Variants in SASH1 observed in about 807,000 individuals in gnomAD.
SASH1 encodes SAM and SH3 domain-containing protein 1.
SASH1 carries 44 observed loss-of-function variants against 125.2 expected under a neutral mutation model. The ratio of observed to expected loss-of-function variants is 0.35; its 90% CI spans 0.28 to 0.45. The LOEUF is 0.45. Among genes scored for constraint, SASH1 ranks in the 20% least tolerant of loss-of-function variants. The probability of loss-of-function intolerance (pLI) is 1.00; values close to 1 mark genes in which losing one functional copy is unlikely to be tolerated. For synonymous variants in SASH1, 639 were observed against 649.1 expected, an observed-to-expected ratio of 0.98 and a Z score of 0.24; for missense variants, 1,426 against 1,614.5, an observed-to-expected ratio of 0.88 and a Z score of 2.00.
rs374141600 is a variant in SASH1, at chr6:148,448,115, A to AGAGTGTGTGTGTGT, written c.386+7709_386+7710insAGTGTGTGTGTGTG. On this transcript the variant is annotated intron_variant, in intron 4 of 19. Transcript: ENST00000367467. ...CTCCTGCTTCTATTGCAGTGGAGAGAGTGTGTGTGTGTGTGTGTGTGTGTA... is the reference window on the plus strand; with the variant it reads ...CTCCTGCTTCTATTGCAGTGGAGAGAGAGTGTGTGTGTGTGTGTGTGTGTGTGTGTGTGTGTGTA... Among the ~76,000 whole-genome samples, 1,297 of 146,888 alleles carry AGAGTGTGTGTGTGT rather than the reference A, an allele frequency of 8.8e-3. 9 individuals are homozygous for AGAGTGTGTGTGTGT. The highest frequency in any genetic ancestry group is 0.014 in the Middle Eastern group (4 of 290).
At chr6:148,349,073 G>T (rs1310023683) in intron 1 of SASH1, among the ~76,000 whole-genome samples, 1 of 151,966 alleles carries the variant, frequency 6.6e-6, no homozygotes, top group Non-Finnish European at 1.5e-5. Flanking sequence ...TGCGAGGTGG[G>T]CCCTTCCCCA....
At chr6:148,460,478 T>A (rs111975979) in intron 4 of SASH1, among the ~76,000 whole-genome samples, 1 of 152,210 alleles carries the variant, frequency 6.6e-6, no homozygotes, top group African/African-American at 2.4e-5. Flanking sequence ...CTGTTTAGAG[T>A]CAACGTCCAC....
At chr6:148,348,102 G>A (rs890623870) in intron 1 of SASH1, among the ~76,000 whole-genome samples, 3 of 152,134 alleles carry the variant, frequency 2.0e-5, no homozygotes, top group Non-Finnish European at 4.4e-5. Flanking sequence ...TGCCTCCCGA[G>A]TTCAAGCGAT....
chr6:148,420,070 C>T (rs4243482), intron 2 of SASH1, among the ~76,000 whole-genome samples: 133,969 of 152,170 alleles, frequency 0.88, 58,998 homozygotes, highest in African/African-American at 0.91. Flanking sequence ...GAATAATGTA[C>T]CTTTAAATGA....
intron 4 of SASH1, among the ~76,000 whole-genome samples, chr6:148,460,494 A>G (rs779408387): frequency 1.3e-5 from 2 of 152,220 alleles, no homozygotes; most frequent in Non-Finnish European, 2.9e-5. Context: ...TCCACACTTC[A>G]TACCTGAAAA....
At chr6:148,491,167 A>C (rs1779091412) in intron 8 of SASH1, among the ~76,000 whole-genome samples, 1 of 152,236 alleles carries the variant, frequency 6.6e-6, no homozygotes, top group Non-Finnish European at 1.5e-5. Flanking sequence ...CCTCCTTGGA[A>C]ATAGTGACCC....
chr6:148,265,277 T>C, the SASH1 span, among the ~76,000 whole-genome samples: 5 of 145,178 alleles, frequency 3.4e-5, no homozygotes, highest in Admixed American at 7.1e-5. Context: ...TCCACTGCAT[T>C]CCAGCCTAGG....
chr6:148,303,829 A>C (rs1174437603), intron 1 of SASH1, among the ~76,000 whole-genome samples: 2 of 151,032 alleles, frequency 1.3e-5, no homozygotes, highest in Non-Finnish European at 2.9e-5. Flanking sequence ...AAATAAATAA[A>C]ATAAAAATAC....
At chr6:148,329,500 G>C (rs1008300165) in intron 1 of SASH1, among the ~76,000 whole-genome samples, 5 of 152,174 alleles carry the variant, frequency 3.3e-5, no homozygotes, top group Admixed American at 1.3e-4. Flanking sequence ...CTCCATATGT[G>C]AGAAACTCAT....
At chr6:148,199,470 A>G in the SASH1 span, among the ~76,000 whole-genome samples, 1 of 152,122 alleles carries the variant, frequency 6.6e-6, no homozygotes, top group Non-Finnish European at 1.5e-5. Flanking sequence ...AGGATCCAAA[A>G]GGTTGGTAAT....
chr6:148,543,613 A>G, intron 17 of SASH1, 67 bp from the exon 18 acceptor site: 2 of 1,368,700 alleles, frequency 1.5e-6, no homozygotes, highest in Non-Finnish European at 2.0e-6. Flanking sequence ...TGTTAGCACA[A>G]CTTTATGCAT....
chr6:148,531,990 G>A (rs1252509326), intron 13 of SASH1, among the ~76,000 whole-genome samples: 4 of 152,210 alleles, frequency 2.6e-5, no homozygotes, highest in Non-Finnish European at 4.4e-5. Flanking sequence ...AGTGGGGAAG[G>A]GAGGGGAATT....
At chr6:148,292,994 A>G (rs781451284) in intron 1 of SASH1, among the ~76,000 whole-genome samples, 21 of 151,966 alleles carry the variant, frequency 1.4e-4, no homozygotes, top group African/African-American at 4.8e-4. Flanking sequence ...GGAGGTTGCA[A>G]TGAGTCGAGA....
At chr6:148,315,322 C>CT in intron 1 of SASH1, among the ~76,000 whole-genome samples, 1 of 152,068 alleles carries the variant, frequency 6.6e-6, no homozygotes, top group Admixed American at 6.6e-5. Context: ...TGCAAACTAA[C>CT]TTTTTTATTT....
At chr6:148,325,258 T>G (rs1192196907) in intron 1 of SASH1, among the ~76,000 whole-genome samples, 11 of 61,708 alleles carry the variant, frequency 1.8e-4, no homozygotes. Context: ...GGGAAAAGCC[T>G]CTTTTGTTGT....
At chr6:148,500,065 A>T (rs1038762962) in intron 8 of SASH1, among the ~76,000 whole-genome samples, 1 of 151,862 alleles carries the variant, frequency 6.6e-6, no homozygotes, top group African/African-American at 2.4e-5. Context: ...TTTTGTTTTT[A>T]TCTATGCTTC....
At chr6:148,205,767 C>T in the SASH1 span, among the ~76,000 whole-genome samples, 2 of 152,320 alleles carry the variant, frequency 1.3e-5, no homozygotes, top group East Asian at 3.9e-4. Flanking sequence ...GGACTGAACC[C>T]TGGGCACCCT....
the SASH1 span, among the ~76,000 whole-genome samples, chr6:148,256,389 C>G: frequency 1.3e-5 from 2 of 152,110 alleles, no homozygotes; most frequent in Non-Finnish European, 1.5e-5. Context: ...AAATCACATT[C>G]TTTTGACTCT....
chr6:148,483,016 C>T (rs1778698189), intron 7 of SASH1, among the ~76,000 whole-genome samples: 1 of 152,104 alleles, frequency 6.6e-6, no homozygotes, highest in African/African-American at 2.4e-5. Context: ...AGGTGTCATA[C>T]ATCTGATTCC....
Sources: gnomAD v4.1 joint callset for allele counts (sites outside exome capture counted in the v4.1 genomes callset) on GRCh38, gnomAD v4.1.1 for gene constraint, MANE v1.5 for transcripts, NCBI Gene and HGNC (gene_info 2026-07-23, HGNC 2026-07-21) for gene names.